The following EPN2 variants were observed in gnomAD, a reference collection of about 807,000 sequenced individuals.
The protein encoded by EPN2 is epsin 2.
Under a neutral mutation model 61.7 loss-of-function variants are expected in EPN2, and 34 were observed. That is an observed-to-expected ratio of 0.55 (90% CI 0.42 to 0.73). The LOEUF is 0.73. EPN2 is among the 30% of genes least tolerant of loss of function. EPN2 has a pLI of 0.00. For synonymous variants in EPN2, 349 were observed against 353.6 expected, an observed-to-expected ratio of 0.99 and a Z score of 0.15; for missense variants, 714 against 839.2, an observed-to-expected ratio of 0.85 and a Z score of 1.84.
chr17:19,242,764 C>T (rs1342368902), intron 1 of EPN2, among the ~76,000 whole-genome samples: 4 of 152,210 alleles, frequency 2.6e-5, no homozygotes, highest in African/African-American at 4.8e-5. Context: ...ATATATAGAA[C>T]AGGGAAAAGT....
At position 19,283,179 on chromosome 17, in the gene EPN2, A is replaced by C. The variant is rs2045374227; in HGVS notation, c.60A>C (p.Ala20=). 6.2e-7 allele frequency: 1 copy of C among 1,614,080 alleles called. No individual in the cohort carries two copies. Among genetic ancestry groups the C allele is most frequent in the Non-Finnish European group, 8.5e-7 (1 of 1,180,000 alleles). The change falls in exon 3 of 11, where the codon GCA becomes GCC. Residue 20 remains alanine, a synonymous_variant. Transcript: ENST00000314728. The surrounding 1 kb of genome is among the most constrained non-coding windows in gnomAD (Gnocchi z 7.0). ...MKNIVNNYSE[A]EIKVREATSN... Reference sequence around the variant, plus strand: ...ACATCGTGAACAATTACTCAGAGGCAGAAATCAAAGTCCGGGAAGCCACCT... The same window carrying C: ...ACATCGTGAACAATTACTCAGAGGCCGAAATCAAAGTCCGGGAAGCCACCT...
chr17:19,278,390 T>C (rs1387057212), intron 1 of EPN2, among the ~76,000 whole-genome samples: 1 of 152,058 alleles, frequency 6.6e-6, no homozygotes, highest in African/African-American at 2.4e-5. Flanking sequence ...GGCCTCAGAA[T>C]TATGGCAGGA....
chr17:19,307,988 A>C (rs1905932963), intron 4 of EPN2: 1 of 985,154 alleles, frequency 1.0e-6, no homozygotes, highest in South Asian at 4.7e-5. Context: ...GTAAGGCAGA[A>C]GCAACACCTA....
chr17:19,247,071 CCT>C (rs1555594487), intron 1 of EPN2, among the ~76,000 whole-genome samples: 1 of 152,132 alleles, frequency 6.6e-6, no homozygotes, highest in East Asian at 1.9e-4. Flanking sequence ...CGCCCAGCCC[CCT>C]GTGTGCCTTT....
At chr17:19,304,535 G>A (rs1156964390) in intron 4 of EPN2, among the ~76,000 whole-genome samples, 1 of 152,210 alleles carries the variant, frequency 6.6e-6, no homozygotes, top group Non-Finnish European at 1.5e-5. Flanking sequence ...TGGAGGGTGG[G>A]GTGTCTGAAG....
chr17:19,280,775 C>G (rs1426288552), intron 1 of EPN2, among the ~76,000 whole-genome samples: 2 of 152,182 alleles, frequency 1.3e-5, no homozygotes, highest in Non-Finnish European at 2.9e-5. Context: ...AGGTGTCCTT[C>G]AGTTCAACTC....
intron 1 of EPN2, among the ~76,000 whole-genome samples, chr17:19,259,710 C>A (rs1251976379): frequency 1.3e-5 from 2 of 152,112 alleles, no homozygotes; most frequent in Non-Finnish European, 2.9e-5. Flanking sequence ...AAATGAAGGC[C>A]AGGCTTGCCT....
At chr17:19,280,395 T>G (rs1453821149) in intron 1 of EPN2, among the ~76,000 whole-genome samples, 1 of 152,234 alleles carries the variant, frequency 6.6e-6, no homozygotes, top group African/African-American at 2.4e-5. Flanking sequence ...TTGCCAGCAG[T>G]GAATGTTGCA....
At chr17:19,295,366 A>ACGCGCG (rs1555600589) in intron 4 of EPN2, among the ~76,000 whole-genome samples, 6,829 of 140,134 alleles carry the variant, frequency 0.049, 232 homozygotes, top group Non-Finnish European at 0.068. Context: ...ACACACACAC[A>ACGCGCG]CGCGCGTGCG....
In EPN2 at chr17:19,258,556, G is replaced by A. The variant is rs544002762; in HGVS notation, c.-294+21025G>A. The stretch of plus-strand genomic sequence containing the variant: ...GCATATTCTTTCCACACAGTTTATT[G>A]CCTCTCTTTTCAGGAGTTTTCAGAA... On this transcript the variant is annotated intron_variant, in intron 1 of 10. Coordinates refer to ENST00000314728, the MANE Select transcript of EPN2 (RefSeq NM_014964.5). Among the ~76,000 whole-genome samples, 112 of 152,252 alleles carry A rather than the reference G, an allele frequency of 7.4e-4. 2 individuals carry two copies. The highest frequency in any genetic ancestry group is 2.5e-3 in the African/African-American group (105 of 41,552).
At position 19,258,834 on chromosome 17, in the gene EPN2, A is replaced by ACC. The variant is rs1169866919; in HGVS notation, c.-294+21306_-294+21307dup. Among the ~76,000 whole-genome samples the ACC allele has an allele frequency of 9.2e-5, 14 of 152,226 alleles. 1 individual carries two copies. Among genetic ancestry groups the ACC allele is most frequent in the Middle Eastern group, 3.4e-3 (1 of 294 alleles). On this transcript the variant is annotated intron_variant, in intron 1 of 10. Coordinates refer to ENST00000314728, the MANE Select transcript of EPN2 (RefSeq NM_014964.5). ...GCCCACCTGACTGGTCACAGAGCCAACCCCAGCCTTCCCACAAGAGTGCAG... is the reference window on the plus strand; with the variant it reads ...GCCCACCTGACTGGTCACAGAGCCAACCCCCCAGCCTTCCCACAAGAGTGCAG...
chr17:19,329,838 C>T (rs1026815185), intron 9 of EPN2, among the ~76,000 whole-genome samples, 191 bp downstream of exon 9: 3 of 152,294 alleles, frequency 2.0e-5, no homozygotes, highest in Non-Finnish European at 2.9e-5. Flanking sequence ...GTAGAGTCCC[C>T]CAGGACTATG....
At chr17:19,301,904 G>A (rs1240419039) in intron 4 of EPN2, among the ~76,000 whole-genome samples, 1 of 152,258 alleles carries the variant, frequency 6.6e-6, no homozygotes, top group Non-Finnish European at 1.5e-5. Context: ...TGGTGTGGGT[G>A]TGCGCATGTA....
At chr17:19,257,019 A>G (rs1347901708) in intron 1 of EPN2, among the ~76,000 whole-genome samples, 1 of 152,236 alleles carries the variant, frequency 6.6e-6, no homozygotes, top group East Asian at 1.9e-4. Context: ...TTCTTGATTT[A>G]AAAGAATACT....
At chr17:19,281,676 G>T (rs931146579) in intron 1 of EPN2, among the ~76,000 whole-genome samples, 2 of 152,124 alleles carry the variant, frequency 1.3e-5, no homozygotes, top group African/African-American at 4.8e-5. Flanking sequence ...GTGATTCCAG[G>T]CTTCGGTTCC....
intron 1 of EPN2, among the ~76,000 whole-genome samples, chr17:19,278,103 C>T (rs569524389): frequency 1.3e-5 from 2 of 151,828 alleles, no homozygotes; most frequent in South Asian, 2.1e-4. Context: ...GAAAAGCCTC[C>T]AGTGACTTTT....
intron 4 of EPN2, among the ~76,000 whole-genome samples, chr17:19,303,306 C>T (rs746564346): frequency 2.6e-5 from 4 of 152,222 alleles, no homozygotes; most frequent in Non-Finnish European, 5.9e-5. Flanking sequence ...GTCATGGTCA[C>T]ATTTTTCAAG....
chr17:19,288,517 G>A (rs1007909742), intron 4 of EPN2, among the ~76,000 whole-genome samples: 2 of 152,192 alleles, frequency 1.3e-5, no homozygotes, highest in African/African-American at 4.8e-5. Context: ...GGTGAGCCTT[G>A]TGGAGGTTGG....
chr17:19,335,536 T>C lies in EPN2; in HGVS notation c.*1282T>C, dbSNP rs1419487013. 2 of 1,469,032 alleles carry C rather than the reference T, an allele frequency of 1.4e-6. No homozygotes were observed. The highest frequency in any genetic ancestry group is 9.2e-7 in the Non-Finnish European group (1 of 1,091,118). The allele number at this position is 1,469,032 out of a possible 1,614,324, so 91.0% of individuals were successfully genotyped here. A position where few individuals can be genotyped will look rare whatever the true frequency, so the allele number is the denominator to read the frequency against. ...GCTAAAGATGGGGATAATGTGGAAA[T>C]GGCAGTTGTCCCGAGGGCGTGGGGT... On this transcript the variant is annotated 3_prime_UTR_variant, in exon 11 of 11. Transcript: ENST00000314728.
Sources: gnomAD v4.1 joint callset for allele counts (sites outside exome capture counted in the v4.1 genomes callset) on GRCh38, gnomAD v4.1.1 for gene constraint, Gnocchi (gnomAD v3.1) non-coding constraint, MANE v1.5 for transcripts, NCBI Gene and HGNC (gene_info 2026-07-23, HGNC 2026-07-21) for gene names.